The following FAT2 variants were observed in gnomAD, a reference collection of about 807,000 sequenced individuals.
The protein encoded by FAT2 is protocadherin Fat 2.
A neutral mutation model predicts 295.3 loss-of-function variants in FAT2; 150 were observed. The ratio of observed to expected loss-of-function variants is 0.51; its 90% CI spans 0.44 to 0.58. FAT2 has a LOEUF of 0.58. Ranked by LOEUF, FAT2 falls within the 20% of genes least tolerant of loss-of-function variation. The pLI is 0.00. For synonymous variants in FAT2, 2,026 were observed against 2,150.3 expected (o/e 0.94, Z 1.60); for missense variants, 4,868 against 5,442.7 (o/e 0.89, Z 3.32).
At chr5:151,519,977 C>A (rs1237153651) in intron 19 of FAT2, among the ~76,000 whole-genome samples, 1 of 152,194 alleles carries the variant, frequency 6.6e-6, no homozygotes, top group Non-Finnish European at 1.5e-5. Context: ...AATTTTAGAA[C>A]CCCTGCTGTC....
chr5:151,566,477 T>G lies in FAT2; in HGVS notation c.2455A>C (p.Arg819=). ...NVKDWNDNAP[R]FPPGGYQLTI... ...AACTGGTACCCACCGGGAGGAAATC[T>G]GGGTGCGTTGTCATTCCAGTCTTTC... The change falls in exon 2 of 24, where the codon AGA becomes CGA. Residue 819 remains arginine (R), a synonymous_variant. Coordinates refer to ENST00000261800, the MANE Select transcript of FAT2 (RefSeq NM_001447.3). The G allele has an allele frequency of 6.2e-7, 1 of 1,613,850 alleles. No homozygotes were observed. Among genetic ancestry groups the G allele is most frequent in the Non-Finnish European group, 8.5e-7 (1 of 1,179,884 alleles).
rs1157301519 is a variant in FAT2 at position 151,525,965 on chromosome 5, C to T, written c.10309G>A (p.Glu3437Lys). The T allele has an allele frequency of 3.7e-6, 6 of 1,613,938 alleles. No homozygotes were observed. Among genetic ancestry groups the T allele is most frequent in the Non-Finnish European group, 5.1e-6 (6 of 1,179,946 alleles). ...FQLNYSTTVQ[E>K]NSPIGSKVLQ... ...ACTTTGCTGCCAATGGGGGAGTTCT[C>T]CTGAGACCGAGAGTGACAAAGAAGG... The change falls in exon 18 of 24, where the codon GAG becomes AAG. Residue 3437 changes from glutamate (E) to lysine (K), a missense_variant and splice_region_variant. By Grantham distance (56) the Glu-to-Lys change is moderately conservative. This residue lies in a region of FAT2 where 1,046 missense variants were observed against 1,210.1 expected (regional missense o/e 0.86). Transcript: ENST00000261800.
chr5:151,540,900 A>C, intron 10 of FAT2, 137 bp from the exon 11 acceptor site: 6 of 664,526 alleles, frequency 9.0e-6, no homozygotes, highest in Admixed American at 3.3e-5. Context: ...CTAGGAACCC[A>C]CGATTCTACA....
Position 151,566,646 on chromosome 5 carries a change from G to T in FAT2, c.2286C>A (p.Cys762Ter). ...YVIADGNEEGCFDIELETGLL... is the reference protein window; with the variant it reads ...YVIADGNEEG ...GCCCTGTCTCCAGCTCTATGTCAAA[G>T]CAGCCCTCCTCATTGCCATCTGCAA... Residue 762 changes from cysteine to a stop codon, truncating the protein, a stop_gained, in exon 2 of 24, where the codon TGC becomes TGA. Transcript: ENST00000261800. LOFTEE classifies it high-confidence loss of function. The T allele has an allele frequency of 6.2e-7, 1 of 1,614,178 alleles. No individual in the cohort carries two copies. The highest frequency in any genetic ancestry group is 8.5e-7 in the Non-Finnish European group (1 of 1,180,028).
At position 151,505,826 on chromosome 5, in the gene FAT2, C is replaced by T; in HGVS notation, c.12789G>A (p.Leu4263=). 6.2e-7 allele frequency: 1 copy of T among 1,613,370 alleles called. No homozygotes were observed. Among genetic ancestry groups the T allele is most frequent in the Non-Finnish European group, 8.5e-7 (1 of 1,179,770 alleles). ...TGTACTCATTGAGACAGGGGGCAAC[C>T]AGGCGCTCCCGGGGACTAGGGGGCC... The part of the protein sequence containing the change: ...PSRPPSPRER[L]VAPCLNEYTA... The change falls in exon 24 of 24, where the codon CTG becomes CTA. Residue 4263 remains leucine, a synonymous_variant. Coordinates refer to ENST00000261800, the MANE Select transcript of FAT2 (RefSeq NM_001447.3).
At chr5:151,550,458 TG>T (rs1757087725) in intron 8 of FAT2, 131 bp downstream of exon 8, 1 of 1,056,226 alleles carries the variant, frequency 9.5e-7, no homozygotes, top group African/African-American at 1.6e-5. Flanking sequence ...TAGCCAGCTG[TG>T]AAATGTCACA....
Position 151,534,721 on chromosome 5 carries a change from A to T in FAT2, c.9194-79T>A. The T allele has an allele frequency of 2.5e-6, 3 of 1,215,080 alleles. No individual in the cohort carries two copies. In the South Asian group the frequency reaches 4.2e-5, roughly 17 times the overall value. The allele number at this position is 1,215,080 out of a possible 1,614,324, so 75.3% of individuals were successfully genotyped here. A position where few individuals can be genotyped will look rare whatever the true frequency, so the allele number is the denominator to read the frequency against. ...CATGTGCCCTCTATATATCTACAGG[A>T]GACAAACCCAGCCACACAGAGTTTT... On this transcript the variant is annotated intron_variant, in intron 12 of 23. Coordinates refer to ENST00000261800, the MANE Select transcript of FAT2 (RefSeq NM_001447.3).
rs146858945 is a variant in FAT2, at chr5:151,532,343, T to C, written c.9428-373A>G. ...TTGATTGTGGTGTTGGTTACAAGAA[T>C]CTAAACATGGAATAATATTGCATAG... On this transcript the variant is annotated intron_variant, in intron 13 of 23. Coordinates refer to ENST00000261800, the MANE Select transcript of FAT2 (RefSeq NM_001447.3). Among the ~76,000 whole-genome samples, 591 of 152,034 alleles carry C rather than the reference T, an allele frequency of 3.9e-3. 5 individuals are homozygous for C. The highest frequency in any genetic ancestry group is 0.014 in the African/African-American group (567 of 41,432).
chr5:151,517,604 GCTGGCAGTGCCT>G lies in FAT2; in HGVS notation c.11463+4_11463+15del, dbSNP rs1203397094. ...GGGACACCCACATGAAATCTCTCAG[GCTGGCAGTGCCT>G]TACCTTCAGGGAGACGGACGCTGTT... On this transcript the variant is annotated splice_donor_5th_base_variant and intron_variant, in intron 20 of 23. Coordinates refer to ENST00000261800, the MANE Select transcript of FAT2 (RefSeq NM_001447.3). The G allele has an allele frequency of 6.2e-7, 1 of 1,613,550 alleles. No homozygotes were observed. Among genetic ancestry groups the G allele is most frequent in the Non-Finnish European group, 8.5e-7 (1 of 1,179,934 alleles).
Position 151,512,449 on chromosome 5 carries a change from G to T in FAT2, c.11621C>A (p.Thr3874Asn). The T allele has an allele frequency of 1.2e-6, 2 of 1,614,232 alleles. No individual in the cohort carries two copies. Among genetic ancestry groups the T allele is most frequent in the Non-Finnish European group, 1.7e-6 (2 of 1,180,038 alleles). The part of the protein sequence containing the change: ...IRLMVDSMGN[T>N]SLVVPENCRG... ...GCAGTTCTCTGGGACCACAAGGGAG[G>T]TGTTGCCCATGCTGTCAACCATCAG... is the stretch of plus-strand genomic sequence containing the variant. Residue 3874 changes from threonine (T) to asparagine (N), a missense_variant, in exon 21 of 24, where the codon ACC becomes AAC. Thr to Asn is a moderately conservative substitution (Grantham distance 65). This residue lies in a region of FAT2 where 1,046 missense variants were observed against 1,210.1 expected (regional missense o/e 0.86). Transcript: ENST00000261800. This position sits in a 1 kb window ranked among gnomAD's most constrained non-coding sequence, Gnocchi z 4.1.
rs2127565083 is a variant in FAT2 at position 151,507,631 on chromosome 5, AG to A, written c.12060-21del. 8 of 1,442,712 alleles carry A rather than the reference AG, an allele frequency of 5.5e-6. 1 individual carries two copies. Among genetic ancestry groups the A allele is most frequent in the Non-Finnish European group, 6.6e-6 (7 of 1,061,832 alleles). The allele number at this position is 1,442,712 out of a possible 1,614,324, so 89.4% of individuals were successfully genotyped here. A position where few individuals can be genotyped will look rare whatever the true frequency, so the allele number is the denominator to read the frequency against. On this transcript the variant is annotated intron_variant, in intron 22 of 23. Coordinates refer to ENST00000261800, the MANE Select transcript of FAT2 (RefSeq NM_001447.3). The stretch of plus-strand genomic sequence containing the variant: ...TCACACCTGCGGAGACAGAGTAGTC[AG>A]GGGGCCAAGTCATGAAATTGCCCTT...
chr5:151,552,711 C>T (rs916490780), intron 6 of FAT2, among the ~76,000 whole-genome samples: 22 of 152,256 alleles, frequency 1.4e-4, no homozygotes, highest in African/African-American at 5.1e-4. Context: ...CATCAGAGCC[C>T]GGATCCAAGT....
At chr5:151,591,060 A>T (rs1581485101) in intron 1 of FAT2, among the ~76,000 whole-genome samples, 105 bp downstream of exon 1, 1 of 151,800 alleles carries the variant, frequency 6.6e-6, no homozygotes, top group South Asian at 2.1e-4. Flanking sequence ...TTCCTTCTCT[A>T]CCTTCCAGGA....
intron 20 of FAT2, among the ~76,000 whole-genome samples, 195 bp downstream of exon 20, chr5:151,517,424 TA>T (rs1283563927): frequency 6.6e-6 from 1 of 152,212 alleles, no homozygotes. Flanking sequence ...TCCTTGGACG[TA>T]TATCTCCAGG....
At chr5:151,515,649 A>G (rs1176462687) in intron 20 of FAT2, among the ~76,000 whole-genome samples, 1 of 152,120 alleles carries the variant, frequency 6.6e-6, no homozygotes, top group Non-Finnish European at 1.5e-5. Flanking sequence ...CCTTCATTCA[A>G]TTCACTGGGA....
In FAT2 at chr5:151,568,839, C is replaced by T. The variant is rs2127650885; in HGVS notation, c.93G>A (p.Trp31Ter). 6.2e-7 allele frequency: 1 copy of T among 1,613,876 alleles called. No individual in the cohort carries two copies. Among genetic ancestry groups the T allele is most frequent in the Non-Finnish European group, 8.5e-7 (1 of 1,179,958 alleles). ...CATTGTAATGGGAGTGTGTGAAGTG[C>T]CAAGCAGAGGAGGAGAGAATCCCTT... ...PLEGILSSSA[W>*]HFTHSHYNAT... The change falls in exon 2 of 24, where the codon TGG (tryptophan) becomes TGA (stop). Residue 31 changes from tryptophan (W) to a stop codon, truncating the protein, a stop_gained. Transcript: ENST00000261800. LOFTEE classifies it high-confidence loss of function.
At chr5:151,573,611 G>A (rs914094999) in intron 1 of FAT2, among the ~76,000 whole-genome samples, 48 of 152,172 alleles carry the variant, frequency 3.2e-4, no homozygotes, top group African/African-American at 1.1e-3. Context: ...CCGAGATCGC[G>A]CCACTGCACT....
Position 151,549,518 on chromosome 5 carries a change from AG to A in FAT2, c.4579-14del, listed in dbSNP as rs749467826. The A allele has an allele frequency of 5.6e-6, 9 of 1,613,088 alleles. No homozygotes were observed. The Middle Eastern group carries it at 6.6e-4, about 119-fold the overall frequency. The stretch of plus-strand genomic sequence containing the variant: ...CCTGGTCTCGGACCTATGGGCCCAA[AG>A]GGGGTAATTGGGTAAGCAGCAAATG... On this transcript the variant is annotated splice_polypyrimidine_tract_variant and intron_variant, in intron 8 of 23. Coordinates refer to ENST00000261800, the MANE Select transcript of FAT2 (RefSeq NM_001447.3).
chr5:151,580,733 G>T (rs181102170), intron 1 of FAT2, among the ~76,000 whole-genome samples: 1 of 152,262 alleles, frequency 6.6e-6, no homozygotes, highest in Non-Finnish European at 1.5e-5. Flanking sequence ...GGGGGCAGAG[G>T]GTGGGTGTGA....
Sources: allele counts gnomAD v4.1 joint callset (sites outside exome capture counted in the v4.1 genomes callset), GRCh38; gene constraint gnomAD v4.1.1; regional missense constraint gnomAD v4.1.1; non-coding constraint Gnocchi (gnomAD v3.1); transcripts MANE v1.5; gene names NCBI Gene and HGNC (gene_info 2026-07-23, HGNC 2026-07-21).